EGFLAM: variants seen among roughly 807,000 people sequenced by gnomAD.
EGFLAM encodes the protein pikachurin.
A neutral mutation model predicts 113.1 loss-of-function variants in EGFLAM; 79 were observed. The ratio of observed to expected loss-of-function variants is 0.70; its 90% CI spans 0.58 to 0.84. The LOEUF is 0.84. Among genes scored for constraint, EGFLAM ranks in the 40% least tolerant of loss-of-function variants. The pLI, the probability that EGFLAM is intolerant of heterozygous loss-of-function variation, is 0.00. For synonymous variants in EGFLAM, 504 were observed against 487.6 expected (o/e 1.03, Z -0.44); for missense variants, 1,265 against 1,291.6 (o/e 0.98, Z 0.32).
chr5:38,337,663 G>A (rs1190733370), intron 2 of EGFLAM, 34 bp downstream of exon 2: 1 of 1,528,652 alleles, frequency 6.5e-7, no homozygotes, highest in Non-Finnish European at 8.9e-7. Context: ...TCCTCGGTGG[G>A]TGTGTCGTGT....
chr5:38,457,696 G>A (rs1743135166), intron 19 of EGFLAM, among the ~76,000 whole-genome samples: 2 of 152,158 alleles, frequency 1.3e-5, no homozygotes, highest in Non-Finnish European at 2.9e-5. Flanking sequence ...GAGGGAGGGG[G>A]CAGACCATCA....
chr5:38,320,997 T>G (rs1481815878), intron 1 of EGFLAM, among the ~76,000 whole-genome samples: 1 of 152,130 alleles, frequency 6.6e-6, no homozygotes, highest in East Asian at 1.9e-4. Context: ...TTTTTTTCCA[T>G]GGATGAGGGT....
In EGFLAM at chr5:38,463,884, C is replaced by T. The variant is rs117285645; in HGVS notation, c.2928C>T (p.Leu976=). The change falls in exon 22 of 22, where the codon CTC becomes CTT. Residue 976 remains leucine, a synonymous_variant. Coordinates refer to ENST00000322350, the MANE Select transcript of EGFLAM (RefSeq NM_152403.4). ...LHTNRQYMRG[L]VGCISHFTLS... ...CTAACAGGCAATATATGAGAGGGCT[C>T]GTGGGCTGTATCTCTCACTTCACCC... is the stretch of plus-strand genomic sequence containing the variant. 1,456 of 1,614,190 alleles carry T rather than the reference C, an allele frequency of 9.0e-4. 27 individuals are homozygous for T. The East Asian group carries it at 0.018, about 20-fold the overall frequency.
intron 7 of EGFLAM, among the ~76,000 whole-genome samples, 160 bp downstream of exon 7, chr5:38,406,401 G>A (rs1741286060): frequency 6.6e-6 from 1 of 152,188 alleles, no homozygotes; most frequent in Non-Finnish European, 1.5e-5. Context: ...TCCAGGTGCT[G>A]ATAAATCAGT....
chr5:38,360,682 A>G (rs1739896558), intron 5 of EGFLAM, among the ~76,000 whole-genome samples: 1 of 152,174 alleles, frequency 6.6e-6, no homozygotes, highest in East Asian at 1.9e-4. Context: ...GAGTTGACAC[A>G]CATAAAATGC....
chr5:38,301,535 A>G (rs2111827643), intron 1 of EGFLAM, among the ~76,000 whole-genome samples: 1 of 152,258 alleles, frequency 6.6e-6, no homozygotes, highest in Middle Eastern at 3.4e-3. Context: ...AGGATAAAAG[A>G]AATGGGTGGT....
Position 38,419,202 on chromosome 5 carries a change from C to T in EGFLAM, c.1684+947C>T, listed in dbSNP as rs147688008. ...CCCCACTCTTATGACCTCAATTAAC[C>T]TTAAATACCTCCTTAAAGATACTAT... On this transcript the variant is annotated intron_variant, in intron 12 of 21. Transcript: ENST00000322350. Among the ~76,000 whole-genome samples the T allele has an allele frequency of 6.6e-5, 10 of 152,290 alleles. No individual in the cohort carries two copies. In the East Asian group the frequency reaches 1.9e-3, roughly 29 times the overall value.
intron 1 of EGFLAM, among the ~76,000 whole-genome samples, chr5:38,297,950 A>G (rs1758485450): frequency 6.6e-6 from 1 of 152,230 alleles, no homozygotes; most frequent in East Asian, 1.9e-4. Flanking sequence ...TCGTAAGGAC[A>G]ATGTTGCTCC....
intron 1 of EGFLAM, among the ~76,000 whole-genome samples, chr5:38,287,896 AC>A: frequency 6.6e-6 from 1 of 152,342 alleles, no homozygotes; most frequent in East Asian, 1.9e-4. Flanking sequence ...TTATTTAATT[AC>A]CATATGCCAG....
intron 1 of EGFLAM, among the ~76,000 whole-genome samples, chr5:38,303,815 G>C (rs1395393831): frequency 2.0e-5 from 3 of 152,096 alleles, no homozygotes; most frequent in African/African-American, 7.2e-5. Flanking sequence ...AGATGGAAAA[G>C]TGATAAACAA....
At chr5:38,310,202 C>T (rs1438647283) in intron 1 of EGFLAM, among the ~76,000 whole-genome samples, 1 of 152,204 alleles carries the variant, frequency 6.6e-6, no homozygotes, top group African/African-American at 2.4e-5. Flanking sequence ...CTTTCCTCCT[C>T]TTCATTTATT....
At chr5:38,349,122 A>G (rs1045478877) in intron 3 of EGFLAM, among the ~76,000 whole-genome samples, 3 of 152,210 alleles carry the variant, frequency 2.0e-5, no homozygotes, top group African/African-American at 7.2e-5. Flanking sequence ...GAAACAATGG[A>G]CGTTCAAACA....
chr5:38,445,672 C>T lies in EGFLAM; in HGVS notation c.2465-2629C>T, dbSNP rs1255962112. ...TCCCTGTTCTCTTTCATGCTGGCAC[C>T]GGGCAGAGTGTGGGAACTACTGCCT... On this transcript the variant is annotated intron_variant, in intron 17 of 21. Coordinates refer to ENST00000322350, the MANE Select transcript of EGFLAM (RefSeq NM_152403.4). The T allele has an allele frequency of 3.1e-6, 5 of 1,598,328 alleles. No homozygotes were observed. The African/African-American group carries it at 5.3e-5, about 17-fold the overall frequency.
chr5:38,442,485 G>T (rs1234044629), intron 17 of EGFLAM, among the ~76,000 whole-genome samples: 2 of 149,160 alleles, frequency 1.3e-5, no homozygotes, highest in African/African-American at 4.9e-5. Context: ...CAAATTAATT[G>T]GAAAAGAGAG....
intron 20 of EGFLAM, 146 bp downstream of exon 20, chr5:38,458,540 C>A: frequency 1.4e-6 from 1 of 713,674 alleles, no homozygotes; most frequent in Non-Finnish European, 2.3e-6. Context: ...AGGGAATTTT[C>A]TACCAATTCC....
chr5:38,412,864 C>G (rs1010311846), intron 11 of EGFLAM, among the ~76,000 whole-genome samples: 15 of 152,134 alleles, frequency 9.9e-5, no homozygotes, highest in Non-Finnish European at 2.1e-4. Flanking sequence ...CACACATCCA[C>G]CGCACATCTA....
intron 1 of EGFLAM, among the ~76,000 whole-genome samples, chr5:38,328,800 C>T (rs1348971585): frequency 7.1e-6 from 1 of 141,832 alleles, no homozygotes; most frequent in Non-Finnish European, 1.5e-5. Context: ...TATTAATATG[C>T]ATAAGTTTTA....
At chr5:38,356,693 A>G (rs970804900) in intron 5 of EGFLAM, among the ~76,000 whole-genome samples, 4 of 152,300 alleles carry the variant, frequency 2.6e-5, no homozygotes, top group Non-Finnish European at 2.9e-5. Flanking sequence ...TGTTTGATGT[A>G]TTCCTGAAAG....
chr5:38,358,544 G>C lies in EGFLAM; in HGVS notation c.545+6213G>C, dbSNP rs148002439. ...AGTTTTGATGATATTTCAAGTAGAC[G>C]TTATGCATAATATGATGATGTCTTG... On this transcript the variant is annotated intron_variant, in intron 5 of 21. Transcript: ENST00000322350. Among the ~76,000 whole-genome samples the C allele has an allele frequency of 2.6e-5, 4 of 151,634 alleles. No individual in the cohort carries two copies. In the East Asian group the frequency reaches 7.8e-4, roughly 29 times the overall value.
Sources: gnomAD v4.1 joint callset for allele counts (sites outside exome capture counted in the v4.1 genomes callset) on GRCh38, gnomAD v4.1.1 for gene constraint, MANE v1.5 for transcripts, NCBI Gene and HGNC (gene_info 2026-07-23, HGNC 2026-07-21) for gene names.